Variants in NAA15 observed in about 807,000 individuals in gnomAD.
The protein encoded by NAA15 is N-terminal acetyltransferase.
Under a neutral mutation model 114.0 loss-of-function variants are expected in NAA15, and 34 were observed. That is an observed-to-expected ratio of 0.30 (90% CI 0.23 to 0.40). NAA15 has a LOEUF of 0.40. NAA15 is among the 10% of genes least tolerant of loss of function. NAA15 has a pLI of 1.00. For missense variants in NAA15, 658 were observed against 1,004.5 expected, an observed-to-expected ratio of 0.66 and a Z score of 4.66; for synonymous variants, 340 against 338.0, an observed-to-expected ratio of 1.01 and a Z score of -0.06.
intron 2 of NAA15, among the ~76,000 whole-genome samples, chr4:139,334,876 G>GA (rs574792155): frequency 2.0e-4 from 30 of 152,308 alleles, no homozygotes; most frequent in South Asian, 1.2e-3. Context: ...GTATTGAAGA[G>GA]AAGGGGGAGA....
intron 15 of NAA15, among the ~76,000 whole-genome samples, chr4:139,373,152 G>T (rs559261801): frequency 6.6e-6 from 1 of 152,126 alleles, no homozygotes; most frequent in Non-Finnish European, 1.5e-5. Context: ...AAAGTGCTGG[G>T]ATTACAGGTG....
At chr4:139,360,003 T>A in intron 12 of NAA15, 108 bp downstream of exon 12, 1 of 994,488 alleles carries the variant, frequency 1.0e-6, no homozygotes, top group Non-Finnish European at 1.4e-6. Context: ...TTTGACACCG[T>A]AATAGCCAAG....
intron 14 of NAA15, among the ~76,000 whole-genome samples, chr4:139,365,890 A>G (rs1057209011): frequency 2.0e-5 from 3 of 152,122 alleles, no homozygotes; most frequent in Non-Finnish European, 4.4e-5. Context: ...GGTATGCATT[A>G]TATCTATCAT....
chr4:139,352,270 G>A (rs2110936928), intron 9 of NAA15, among the ~76,000 whole-genome samples: 1 of 151,940 alleles, frequency 6.6e-6, no homozygotes, highest in East Asian at 1.9e-4. Flanking sequence ...TACCATGCCT[G>A]GCTAATTTTT....
chr4:139,385,948 G>A, intron 18 of NAA15, among the ~76,000 whole-genome samples, 185 bp from the exon 19 acceptor site: 1 of 152,058 alleles, frequency 6.6e-6, no homozygotes, highest in East Asian at 1.9e-4. Context: ...TCTTTGGATG[G>A]TTAAGCTAAT....
At chr4:139,357,148 A>G (rs1040468911) in intron 10 of NAA15, among the ~76,000 whole-genome samples, 12 of 152,024 alleles carry the variant, frequency 7.9e-5, no homozygotes, top group African/African-American at 2.9e-4. Flanking sequence ...TTTATCTCCC[A>G]TGTTTGTTTC....
intron 1 of NAA15, among the ~76,000 whole-genome samples, chr4:139,318,134 G>A (rs1207322191): frequency 6.6e-6 from 1 of 152,056 alleles, no homozygotes; most frequent in Non-Finnish European, 1.5e-5. Context: ...GACCAATGAC[G>A]CCCTAATGCT....
At chr4:139,339,271 G>A (rs529121066) in intron 3 of NAA15, among the ~76,000 whole-genome samples, 4 of 151,876 alleles carry the variant, frequency 2.6e-5, no homozygotes, top group East Asian at 3.9e-4. Flanking sequence ...CTGAGGCAGC[G>A]ATCACTTGAG....
At chr4:139,315,018 T>C (rs532706175) in intron 1 of NAA15, among the ~76,000 whole-genome samples, 2,886 of 108,726 alleles carry the variant, frequency 0.027, 252 homozygotes, top group Admixed American at 0.055. Flanking sequence ...TAGGTTAGGT[T>C]AGGTTAGGTT....
intron 1 of NAA15, among the ~76,000 whole-genome samples, chr4:139,306,035 T>C (rs547372174): frequency 1.3e-5 from 2 of 152,218 alleles, no homozygotes; most frequent in Non-Finnish European, 2.9e-5. Flanking sequence ...CTGCAGTGGA[T>C]TTGCCTGGCT....
At chr4:139,318,764 G>A (rs772423341) in intron 1 of NAA15, among the ~76,000 whole-genome samples, 42 of 151,772 alleles carry the variant, frequency 2.8e-4, no homozygotes, top group Non-Finnish European at 1.2e-4. Flanking sequence ...TGAGGCAAGA[G>A]AATTGCTTAA....
intron 1 of NAA15, among the ~76,000 whole-genome samples, chr4:139,328,126 TTTC>T (rs1053387461): frequency 2.1e-4 from 32 of 152,194 alleles, no homozygotes; most frequent in East Asian, 5.8e-4. Context: ...TGATTTTTTT[TTTC>T]TTCTTCTGAA....
intron 6 of NAA15, among the ~76,000 whole-genome samples, chr4:139,347,271 A>G (rs1017093201): frequency 1.3e-5 from 2 of 152,092 alleles, no homozygotes; most frequent in Non-Finnish European, 2.9e-5. Flanking sequence ...GACAAGCAAA[A>G]TGTCTTCAGA....
intron 6 of NAA15, among the ~76,000 whole-genome samples, chr4:139,348,004 AG>A (rs1041348076): frequency 4.0e-5 from 6 of 149,504 alleles, no homozygotes; most frequent in African/African-American, 1.5e-4. Flanking sequence ...TGCAGTCCGC[AG>A]TCCGGCCTGG....
rs756038006 is a variant in NAA15 at position 139,361,851 on chromosome 4, A to G, written c.1667A>G (p.Lys556Arg). The G allele has an allele frequency of 1.3e-5, 21 of 1,613,658 alleles. No homozygotes were observed. In the South Asian group the frequency reaches 1.6e-4, roughly 13 times the overall value. ...DVLRQHPFYF[K>R]AARIAIEIYL... ...CTTCGACAGCATCCATTTTACTTCAAGGCAGCAAGAATTGCTATAGAGATC... is the reference window on the plus strand; with the variant it reads ...CTTCGACAGCATCCATTTTACTTCAGGGCAGCAAGAATTGCTATAGAGATC... Residue 556 changes from lysine (K) to arginine (R), a missense_variant, in exon 14 of 20, where the codon AAG (lysine) becomes AGG (arginine). Physicochemically the swap from Lys to Arg is conservative, Grantham distance 26 (BLOSUM62 2). This residue lies in a region of NAA15 where 275 missense variants were observed against 371.1 expected (regional missense o/e 0.74). Coordinates refer to ENST00000296543, the MANE Select transcript of NAA15 (RefSeq NM_057175.5).
At chr4:139,345,392 C>A (rs1747547260) in intron 6 of NAA15, among the ~76,000 whole-genome samples, 1 of 152,154 alleles carries the variant, frequency 6.6e-6, no homozygotes. Flanking sequence ...GCTCTGTGAA[C>A]AGAGTCAAGG....
intron 4 of NAA15, among the ~76,000 whole-genome samples, 189 bp from the exon 5 acceptor site, chr4:139,342,637 A>G (rs1461277128): frequency 1.3e-5 from 2 of 151,800 alleles, no homozygotes. Flanking sequence ...TTTGATAGAG[A>G]CGGGGTTTCA....
chr4:139,320,442 C>T (rs1417361481), intron 1 of NAA15, among the ~76,000 whole-genome samples: 8 of 152,160 alleles, frequency 5.3e-5, no homozygotes, highest in African/African-American at 1.9e-4. Context: ...CCTAGGGATT[C>T]ATAAACAACT....
intron 6 of NAA15, among the ~76,000 whole-genome samples, chr4:139,346,250 T>A: frequency 6.6e-6 from 1 of 152,192 alleles, no homozygotes; most frequent in East Asian, 1.9e-4. Context: ...AATGTGTAGA[T>A]GTAATGCATA....
Sources: allele counts gnomAD v4.1 joint callset (sites outside exome capture counted in the v4.1 genomes callset), GRCh38; gene constraint gnomAD v4.1.1; regional missense constraint gnomAD v4.1.1; transcripts MANE v1.5; gene names NCBI Gene and HGNC (gene_info 2026-07-23, HGNC 2026-07-21).